ASPH: variants seen among roughly 807,000 people sequenced by gnomAD.
ASPH encodes aspartate beta-hydroxylase, also known as aspartyl/asparaginyl beta-hydroxylase.
In ASPH, 100 loss-of-function variants were observed where a neutral mutation model predicts 118.4. The observed-to-expected ratio is 0.84, with a 90% confidence interval of 0.72 to 1.00. The LOEUF is 1.00. Among genes scored for constraint, ASPH ranks in the 50% least tolerant of loss-of-function variants. The probability of loss-of-function intolerance (pLI) is 0.00; values close to 1 mark genes in which losing one functional copy is unlikely to be tolerated. For missense variants in ASPH, 920 were observed against 919.5 expected (o/e 1.00, Z -0.01); for synonymous variants, 315 against 325.6 (o/e 0.97, Z 0.35).
At chr8:61,645,980 T>C (rs1375652169) in intron 6 of ASPH, among the ~76,000 whole-genome samples, 1 of 152,010 alleles carries the variant, frequency 6.6e-6, no homozygotes, top group African/African-American at 2.4e-5. Flanking sequence ...AGGCCAGGAG[T>C]TTGAGACCAG....
chr8:61,561,129 AGGG>A (rs1829803554), intron 18 of ASPH, among the ~76,000 whole-genome samples: 1 of 126,976 alleles, frequency 7.9e-6, no homozygotes, highest in Non-Finnish European at 1.7e-5. Flanking sequence ...GGAGGGAGGG[AGGG>A]AGGGAGGAAG....
intron 10 of ASPH, among the ~76,000 whole-genome samples, chr8:61,641,981 A>C (rs1020595059): frequency 3.9e-5 from 6 of 152,236 alleles, no homozygotes; most frequent in Non-Finnish European, 8.8e-5. Flanking sequence ...ATTCTTGGGC[A>C]GCTTATTTAT....
At chr8:61,530,081 C>A (rs970057742) in intron 21 of ASPH, among the ~76,000 whole-genome samples, 29 of 152,338 alleles carry the variant, frequency 1.9e-4, no homozygotes, top group African/African-American at 6.7e-4. Flanking sequence ...ATACCACCCA[C>A]TTGTCTTCAA....
chr8:61,512,364 A>C (rs991314409), intron 24 of ASPH, among the ~76,000 whole-genome samples: 1 of 152,216 alleles, frequency 6.6e-6, no homozygotes, highest in African/African-American at 2.4e-5. Flanking sequence ...CTTAGAAAAG[A>C]AAAGAGGAGA....
At chr8:61,670,654 TAAGAAAAAGA>T (rs1715972899) in intron 3 of ASPH, among the ~76,000 whole-genome samples, 2 of 151,432 alleles carry the variant, frequency 1.3e-5, no homozygotes, top group Non-Finnish European at 2.9e-5. Context: ...GGCATGTCTG[TAAGAAAAAGA>T]AGCTAAGTTC....
rs141760061 is a variant in ASPH, at chr8:61,549,745, G to A, written c.1627-1537C>T. On this transcript the variant is annotated intron_variant, in intron 20 of 24. Coordinates refer to ENST00000379454, the MANE Select transcript of ASPH (RefSeq NM_004318.4). ...GGCAAAAGTGAACAATAATACTAAG[G>A]ACAACAGATTGTTTTTTCAAAAATC... Among the ~76,000 whole-genome samples, 524 of 152,136 alleles carry A rather than the reference G, an allele frequency of 3.4e-3. 6 individuals carry two copies. Among genetic ancestry groups the A allele is most frequent in the African/African-American group, 0.012 (497 of 41,498 alleles).
intron 22 of ASPH, among the ~76,000 whole-genome samples, chr8:61,520,648 G>A (rs901722520): frequency 2.0e-5 from 3 of 152,196 alleles, no homozygotes; most frequent in African/African-American, 7.2e-5. Flanking sequence ...ACGAGTCACC[G>A]TAAAGTGTTT....
intron 3 of ASPH, among the ~76,000 whole-genome samples, chr8:61,670,609 T>C (rs764129912): frequency 1.3e-5 from 2 of 152,068 alleles, no homozygotes; most frequent in Admixed American, 6.6e-5. Flanking sequence ...TGAAGAATTT[T>C]ATCCGGGTTT....
rs546123521 is a variant in ASPH at position 61,699,993 on chromosome 8, A to G, written c.103+14276T>C. On this transcript the variant is annotated intron_variant, in intron 1 of 24. Transcript: ENST00000379454. ...AAAATGTCAGCTTCCCACAAATCCA[A>G]GAGGGCAGCAGGGAAGTACCAGCGT... Among the ~76,000 whole-genome samples, 21 of 152,356 alleles carry G rather than the reference A, an allele frequency of 1.4e-4. 1 individual carries two copies. Among genetic ancestry groups the G allele is most frequent in the African/African-American group, 5.1e-4 (21 of 41,580 alleles).
At chr8:61,562,051 C>T (rs1275784241) in intron 18 of ASPH, among the ~76,000 whole-genome samples, 1 of 152,142 alleles carries the variant, frequency 6.6e-6, no homozygotes, top group Non-Finnish European at 1.5e-5. Flanking sequence ...TAAAGAATAA[C>T]AAGTAAACAT....
At chr8:61,552,925 A>G in intron 20 of ASPH, 106 bp downstream of exon 20, 3 of 956,108 alleles carry the variant, frequency 3.1e-6, no homozygotes, top group Non-Finnish European at 3.2e-6. Context: ...ACTGCTTTCG[A>G]AAGTTCACAC....
chr8:61,679,881 C>T (rs1170487329), intron 3 of ASPH, among the ~76,000 whole-genome samples: 1 of 126,212 alleles, frequency 7.9e-6, no homozygotes, highest in Non-Finnish European at 1.7e-5. Context: ...AAAGTTAAGA[C>T]AAGAAAAGAA....
At position 61,546,036 on chromosome 8, in the gene ASPH, C is replaced by T. The variant is rs560669973; in HGVS notation, c.1764+2035G>A. 7.2e-5 allele frequency among the ~76,000 whole-genome samples: 11 copies of T among 152,328 alleles called. No individual in the cohort carries two copies. The South Asian group carries it at 2.3e-3, about 32-fold the overall frequency. The stretch of plus-strand genomic sequence containing the variant: ...CTTGTAACTGTGAGTGCCCATGAGA[C>T]ATGGTTCCCACCAATAGAAGAGGGT... On this transcript the variant is annotated intron_variant, in intron 21 of 24. Coordinates refer to ENST00000379454, the MANE Select transcript of ASPH (RefSeq NM_004318.4).
chr8:61,704,055 C>T (rs530056876), intron 1 of ASPH, among the ~76,000 whole-genome samples: 4 of 151,206 alleles, frequency 2.6e-5, no homozygotes, highest in South Asian at 2.1e-4. Flanking sequence ...ATTAGCCGGG[C>T]GTAGTGGCGG....
chr8:61,583,952 G>T lies in ASPH; in HGVS notation c.1054C>A (p.Arg352Ser), dbSNP rs151110168. 6.3e-6 allele frequency: 10 copies of T among 1,577,640 alleles called. No individual in the cohort carries two copies. The highest frequency in any genetic ancestry group is 2.7e-5 in the African/African-American group (2 of 72,858). Residue 352 changes from arginine to serine, a missense_variant, in exon 15 of 25, where the codon CGT becomes AGT. Transcript: ENST00000379454. ...AAAAAATATCAACCTACCCTTTTAC[G>T]GAGTTTTTCTGCAGCATCAAGTTCA... ...KAELDAAEKL[R>S]KRGKIEEAVN...
chr8:61,521,087 G>C (rs1220156654), intron 22 of ASPH, among the ~76,000 whole-genome samples: 5 of 152,300 alleles, frequency 3.3e-5, no homozygotes, highest in African/African-American at 1.2e-4. Context: ...GCTCACGACA[G>C]GCCAGGAACC....
chr8:61,532,373 G>C (rs1188840508), intron 21 of ASPH, among the ~76,000 whole-genome samples: 3 of 151,984 alleles, frequency 2.0e-5, no homozygotes, highest in East Asian at 3.9e-4. Context: ...TTTTTAAATT[G>C]GGTTATTCAG....
chr8:61,632,286 T>C (rs1047665580), intron 13 of ASPH, among the ~76,000 whole-genome samples: 4 of 152,210 alleles, frequency 2.6e-5, no homozygotes, highest in African/African-American at 9.6e-5. Context: ...TGAAAAATAT[T>C]ATCTTTCATA....
chr8:61,613,332 C>T (rs1475037893), intron 14 of ASPH, among the ~76,000 whole-genome samples: 2 of 152,212 alleles, frequency 1.3e-5, no homozygotes, highest in Non-Finnish European at 2.9e-5. Flanking sequence ...ATTAACTCTG[C>T]TCTGCGGATT....
Sources: allele counts gnomAD v4.1 joint callset (sites outside exome capture counted in the v4.1 genomes callset), GRCh38; gene constraint gnomAD v4.1.1; transcripts MANE v1.5; gene names NCBI Gene and HGNC (gene_info 2026-07-23, HGNC 2026-07-21).